MYO5B: variants seen among roughly 807,000 people sequenced by gnomAD.
MYO5B encodes unconventional myosin-Vb.
MYO5B carries 143 observed loss-of-function variants against 229.3 expected under a neutral mutation model. That is an observed-to-expected ratio of 0.62 (90% CI 0.54 to 0.72). MYO5B has a LOEUF of 0.72. Among genes scored for constraint, MYO5B ranks in the 30% least tolerant of loss-of-function variants. The probability of loss-of-function intolerance (pLI) is 0.00; values close to 1 mark genes in which losing one functional copy is unlikely to be tolerated. For missense variants in MYO5B, 2,321 were observed against 2,331.0 expected (o/e 1.00, Z 0.09); for synonymous variants, 918 against 885.2 (o/e 1.04, Z -0.66).
chr18:49,905,348 T>C (rs917892252), intron 19 of MYO5B, among the ~76,000 whole-genome samples: 1 of 152,122 alleles, frequency 6.6e-6, no homozygotes, highest in Non-Finnish European at 1.5e-5. Context: ...CCCTTTCTGC[T>C]CGGGATGCAT....
intron 4 of MYO5B, among the ~76,000 whole-genome samples, chr18:50,022,338 C>A (rs1162118843): frequency 1.3e-5 from 2 of 152,188 alleles, no homozygotes; most frequent in East Asian, 3.8e-4. Context: ...AAATAACATT[C>A]ATATATCACT....
Position 50,036,756 on chromosome 18 carries a change from C to T in MYO5B, c.455+94G>A, listed in dbSNP as rs1321041600. 14 of 1,450,476 alleles carry T rather than the reference C, an allele frequency of 9.7e-6. 1 individual carries two copies. In the South Asian group the frequency reaches 1.2e-4, roughly 12 times the overall value. 89.9% of individuals were successfully genotyped at this position (1,450,476 alleles called of 1,614,324 possible). A position where few individuals can be genotyped will look rare whatever the true frequency, so the allele number is the denominator to read the frequency against. On this transcript the variant is annotated intron_variant, in intron 4 of 39. Coordinates refer to ENST00000285039, the MANE Select transcript of MYO5B (RefSeq NM_001080467.3). ...TGTTTCCTCAGTCCCAATCTCACCA[C>T]CTCACTGTGAGCATCAGTTGCAGAG...
intron 22 of MYO5B, among the ~76,000 whole-genome samples, chr18:49,886,573 G>C (rs1621572): frequency 0.81 from 122,446 of 152,052 alleles, 49,487 homozygotes; most frequent in East Asian, 0.95. Flanking sequence ...TCAGATAAAG[G>C]TGATAAAAAT....
At chr18:49,892,790 G>A (rs1478200695) in intron 22 of MYO5B, among the ~76,000 whole-genome samples, 1 of 152,180 alleles carries the variant, frequency 6.6e-6, no homozygotes, top group Non-Finnish European at 1.5e-5. Flanking sequence ...CCAGGAAAGA[G>A]GTGGACATGC....
chr18:49,958,819 C>T (rs1048571813), intron 12 of MYO5B, among the ~76,000 whole-genome samples: 6 of 152,190 alleles, frequency 3.9e-5, no homozygotes, highest in African/African-American at 1.4e-4. Context: ...TCCTGGAAGC[C>T]CTGGTTCTCT....
At chr18:50,154,425 G>A (rs2032648967) in intron 1 of MYO5B, among the ~76,000 whole-genome samples, 1 of 152,136 alleles carries the variant, frequency 6.6e-6, no homozygotes, top group Admixed American at 6.5e-5. Flanking sequence ...GCTCCACCAT[G>A]CCTTCTTTGA....
intron 18 of MYO5B, among the ~76,000 whole-genome samples, chr18:49,910,511 T>C (rs1787302): frequency 0.85 from 128,866 of 151,740 alleles, 54,798 homozygotes; most frequent in East Asian, 0.95. Flanking sequence ...CTCAATCAAC[T>C]GGAGTCCAGC....
chr18:50,035,505 C>T (rs1311195609), intron 4 of MYO5B, among the ~76,000 whole-genome samples: 1 of 152,168 alleles, frequency 6.6e-6, no homozygotes, highest in Non-Finnish European at 1.5e-5. Context: ...AGTCCCAAGG[C>T]CTCCCTCCTC....
chr18:49,892,450 C>T (rs16951179), intron 22 of MYO5B, among the ~76,000 whole-genome samples: 9,232 of 152,208 alleles, frequency 0.061, 622 homozygotes, highest in African/African-American at 0.16. Context: ...TCCAGCATAG[C>T]AGTTCCAATA....
At chr18:49,920,824 G>T (rs1229268017) in intron 17 of MYO5B, among the ~76,000 whole-genome samples, 1 of 152,158 alleles carries the variant, frequency 6.6e-6, no homozygotes, top group Non-Finnish European at 1.5e-5. Context: ...AGGTCTGAGG[G>T]GGCCCAGCTT....
intron 1 of MYO5B, among the ~76,000 whole-genome samples, chr18:50,075,666 C>G (rs1462660932): frequency 6.6e-6 from 1 of 152,164 alleles, no homozygotes; most frequent in Non-Finnish European, 1.5e-5. Context: ...AGGCTTTAGG[C>G]TTCTAGATTC....
chr18:50,050,532 G>A (rs995242740), intron 2 of MYO5B, among the ~76,000 whole-genome samples: 1 of 152,154 alleles, frequency 6.6e-6, no homozygotes, highest in South Asian at 2.1e-4. Context: ...TGTTGCAGAG[G>A]GCATTAAATA....
chr18:50,057,807 T>G (rs748640909), intron 1 of MYO5B, among the ~76,000 whole-genome samples: 15 of 152,076 alleles, frequency 9.9e-5, no homozygotes, highest in Non-Finnish European at 1.8e-4. Context: ...CTCAGCATCG[T>G]CATCACCTAG....
At chr18:50,124,137 T>C (rs940511693) in intron 1 of MYO5B, among the ~76,000 whole-genome samples, 1 of 152,234 alleles carries the variant, frequency 6.6e-6, no homozygotes, top group Admixed American at 6.5e-5. Flanking sequence ...TAACACACAA[T>C]GTCCTTATAA....
intron 39 of MYO5B, among the ~76,000 whole-genome samples, chr18:49,832,496 CAATT>C (rs1260569065): frequency 6.6e-6 from 1 of 151,970 alleles, no homozygotes; most frequent in Non-Finnish European, 1.5e-5. Context: ...TGTGAAAACA[CAATT>C]TATTTTTCTT....
Position 49,836,699 on chromosome 18 carries a change from A to G in MYO5B, c.5313+12T>C, listed in dbSNP as rs767531542. 2 of 1,613,878 alleles carry G rather than the reference A, an allele frequency of 1.2e-6. No individual in the cohort carries two copies. Among genetic ancestry groups the G allele is most frequent in the South Asian group, 1.1e-5 (1 of 91,066 alleles). The stretch of plus-strand genomic sequence containing the variant: ...GGAATACCATGTTGACAGAGGTGCA[A>G]AGTGACTGTACCTGCTGGGTGCTGA... On this transcript the variant is annotated intron_variant, in intron 38 of 39. Transcript: ENST00000285039.
At chr18:49,876,319 T>C (rs1434582058) in intron 25 of MYO5B, 2 of 261,098 alleles carry the variant, frequency 7.7e-6, no homozygotes, top group Non-Finnish European at 7.4e-6. Context: ...AACCTATTTA[T>C]CCAACAGATC....
intron 1 of MYO5B, among the ~76,000 whole-genome samples, chr18:50,070,268 T>C (rs114693213): frequency 0.093 from 14,115 of 152,006 alleles, 1,193 homozygotes; most frequent in African/African-American, 0.23. Context: ...AGGTGATCCG[T>C]ACGCCTCAGC....
At chr18:50,068,609 C>A (rs1275848406) in intron 1 of MYO5B, among the ~76,000 whole-genome samples, 2 of 152,184 alleles carry the variant, frequency 1.3e-5, no homozygotes, top group Non-Finnish European at 2.9e-5. Context: ...TGGACACAGA[C>A]CACGTCACAT....
Sources: allele counts gnomAD v4.1 joint callset (sites outside exome capture counted in the v4.1 genomes callset), GRCh38; gene constraint gnomAD v4.1.1; transcripts MANE v1.5; gene names NCBI Gene and HGNC (gene_info 2026-07-23, HGNC 2026-07-21).